The following LINGO2 variants were observed in gnomAD, a reference collection of about 807,000 sequenced individuals.
LINGO2 encodes leucine rich repeat and Ig domain containing 2.
LINGO2 carries 14 observed loss-of-function variants against 30.6 expected under a neutral mutation model. The ratio of observed to expected loss-of-function variants is 0.46; its 90% CI spans 0.30 to 0.72. The LOEUF is 0.72. Among genes scored for constraint, LINGO2 ranks in the 30% least tolerant of loss-of-function variants. The pLI, the probability that LINGO2 is intolerant of heterozygous loss-of-function variation, is 0.07. For synonymous variants in LINGO2, 317 were observed against 288.5 expected, an observed-to-expected ratio of 1.10 and a Z score of -1.00; for missense variants, 729 against 751.7, an observed-to-expected ratio of 0.97 and a Z score of 0.35.
chr9:28,911,593 T>G, the LINGO2 span, among the ~76,000 whole-genome samples: 1 of 152,120 alleles, frequency 6.6e-6, no homozygotes, highest in Non-Finnish European at 1.5e-5. Context: ...AGCAATAATA[T>G]GAAAGTGCCT....
chr9:28,581,362 G>T (rs1824249605), intron 1 of LINGO2, among the ~76,000 whole-genome samples: 1 of 151,694 alleles, frequency 6.6e-6, no homozygotes, highest in South Asian at 2.1e-4. Context: ...AATACCTGCA[G>T]TTACACAATG....
intron 2 of LINGO2, among the ~76,000 whole-genome samples, chr9:28,419,196 T>C (rs191390387): frequency 6.6e-6 from 1 of 152,276 alleles, no homozygotes; most frequent in Admixed American, 6.5e-5. Flanking sequence ...TGAATAGGGA[T>C]GTTTCCATCA....
At chr9:28,315,636 A>G (rs1049244067) in intron 3 of LINGO2, among the ~76,000 whole-genome samples, 1 of 152,210 alleles carries the variant, frequency 6.6e-6, no homozygotes, top group African/African-American at 2.4e-5. Flanking sequence ...AAGAGATCTT[A>G]AAAGCATTGG....
intron 5 of LINGO2, among the ~76,000 whole-genome samples, chr9:27,967,869 G>A (rs1820173938): frequency 1.3e-5 from 2 of 152,052 alleles, no homozygotes; most frequent in South Asian, 4.1e-4. Context: ...AGATTCCTAG[G>A]TGGTATAAAT....
At chr9:28,552,262 T>C (rs1242417609) in intron 1 of LINGO2, among the ~76,000 whole-genome samples, 1 of 152,032 alleles carries the variant, frequency 6.6e-6, no homozygotes, top group African/African-American at 2.4e-5. Context: ...TTCTTCTAGA[T>C]TGGATGCCCT....
intron 4 of LINGO2, among the ~76,000 whole-genome samples, chr9:28,089,040 T>G (rs901189725): frequency 2.0e-5 from 3 of 152,172 alleles, no homozygotes; most frequent in African/African-American, 7.2e-5. Context: ...ATGCACCCAA[T>G]GCAGGAGCAC....
chr9:28,092,695 ATAATAATAATAAAAG>A lies in LINGO2; in HGVS notation c.-86-80305_-86-80291del, dbSNP rs966721903. The stretch of plus-strand genomic sequence containing the variant: ...CATGTACCCTAGAACTTAAAGTATA[ATAATAATAATAAAAG>A]TAATAATAAAAAAAGTAATTAAAAA... On this transcript the variant is annotated intron_variant, in intron 4 of 5. Transcript: ENST00000379992. 4.6e-5 allele frequency among the ~76,000 whole-genome samples: 7 copies of A among 152,056 alleles called. No individual in the cohort carries two copies. The South Asian group carries it at 1.0e-3, about 23-fold the overall frequency.
intron 1 of LINGO2, among the ~76,000 whole-genome samples, chr9:28,479,913 A>G (rs567546860): frequency 0.013 from 267 of 19,840 alleles, 4 homozygotes; most frequent in South Asian, 0.066. Flanking sequence ...ATACGTAGGT[A>G]TATATATATA....
the LINGO2 span, among the ~76,000 whole-genome samples, chr9:29,161,908 T>C: frequency 6.6e-6 from 1 of 152,072 alleles, no homozygotes. Context: ...AAATATTCTA[T>C]TATTCTTCAG....
the LINGO2 span, among the ~76,000 whole-genome samples, chr9:29,025,476 G>T: frequency 6.6e-6 from 1 of 152,014 alleles, no homozygotes; most frequent in African/African-American, 2.4e-5. Flanking sequence ...TGATTTCCAA[G>T]ACAATATTCT....
intron 4 of LINGO2, among the ~76,000 whole-genome samples, chr9:28,168,996 T>C (rs1828509403): frequency 1.3e-5 from 2 of 152,210 alleles, no homozygotes; most frequent in Non-Finnish European, 2.9e-5. Context: ...CTGCTTGATA[T>C]ATCTTATTTA....
At chr9:28,210,011 AG>A in intron 4 of LINGO2, among the ~76,000 whole-genome samples, 1 of 151,938 alleles carries the variant, frequency 6.6e-6, no homozygotes, top group Non-Finnish European at 1.5e-5. Context: ...CATGCCCTAA[AG>A]CCACTTTAAT....
intron 4 of LINGO2, among the ~76,000 whole-genome samples, chr9:28,140,281 C>A (rs569610096): frequency 6.6e-6 from 1 of 152,130 alleles, no homozygotes; most frequent in African/African-American, 2.4e-5. Context: ...CCCAAATTTC[C>A]GTAAAATGGT....
In LINGO2 at chr9:28,425,328, TG is replaced by T. The variant is rs1823362317; in HGVS notation, c.-279+50611del. ...TGTATACACAGTATATATGTGTGTG[TG>T]TATATATATATATATAAACACATAC... On this transcript the variant is annotated intron_variant, in intron 2 of 5. Transcript: ENST00000379992. Among the ~76,000 whole-genome samples, 4 of 90,030 alleles carry T rather than the reference TG, an allele frequency of 4.4e-5. No homozygotes were observed. The South Asian group carries it at 1.3e-3, about 30-fold the overall frequency. 59.1% of individuals were successfully genotyped at this position (90,030 alleles called of 152,430 possible).
the LINGO2 span, among the ~76,000 whole-genome samples, chr9:28,810,483 A>G: frequency 6.6e-6 from 1 of 152,164 alleles, no homozygotes; most frequent in Admixed American, 6.6e-5. Flanking sequence ...CAACTTTGAG[A>G]TGGGCCAGGA....
intron 1 of LINGO2, among the ~76,000 whole-genome samples, chr9:28,532,424 T>A (rs1167406198): frequency 1.3e-5 from 2 of 152,144 alleles, no homozygotes; most frequent in Non-Finnish European, 2.9e-5. Flanking sequence ...TCCTCAGATT[T>A]TTCTTTCTAA....
At chr9:28,315,883 T>C (rs1824826658) in intron 3 of LINGO2, among the ~76,000 whole-genome samples, 2 of 152,154 alleles carry the variant, frequency 1.3e-5, no homozygotes, top group African/African-American at 4.8e-5. Flanking sequence ...TAGCGTAAGA[T>C]TTGTGAATAT....
chr9:29,125,179 A>G, the LINGO2 span, among the ~76,000 whole-genome samples: 835 of 152,214 alleles, frequency 5.5e-3, 11 homozygotes, highest in South Asian at 0.045. Context: ...CAAACACCAC[A>G]TGTTCTCACT....
intron 3 of LINGO2, among the ~76,000 whole-genome samples, chr9:28,296,097 C>T (rs76130795): frequency 0.01 from 1,546 of 152,246 alleles, 28 homozygotes; most frequent in African/African-American, 0.031. Flanking sequence ...CAATGTACCA[C>T]GTATTTAATG....
Sources: gnomAD v4.1 joint callset for allele counts (sites outside exome capture counted in the v4.1 genomes callset) on GRCh38, gnomAD v4.1.1 for gene constraint, MANE v1.5 for transcripts, NCBI Gene and HGNC (gene_info 2026-07-23, HGNC 2026-07-21) for gene names.